EVC: variants seen among roughly 807,000 people sequenced by gnomAD.
EVC encodes EvC ciliary complex subunit 1.
A neutral mutation model predicts 118.9 loss-of-function variants in EVC; 116 were observed. The ratio of observed to expected loss-of-function variants is 0.98; its 90% confidence interval spans 0.84 to 1.14. The LOEUF is 1.14. EVC is among the 50% of genes most tolerant of loss of function. The pLI, the probability that EVC is intolerant of heterozygous loss-of-function variation, is 0.00. For missense variants in EVC, 1,401 were observed against 1,246.4 expected (o/e 1.12, Z -1.87); for synonymous variants, 619 against 534.7 (o/e 1.16, Z -2.18).
chr4:5,802,174 A>T (rs1577639792), intron 16 of EVC, 80 bp downstream of exon 16: 1 of 1,534,760 alleles, frequency 6.5e-7, no homozygotes, highest in East Asian at 2.3e-5. Flanking sequence ...AGGATGTCAG[A>T]TACTGTGAAT....
At chr4:5,761,809 C>T (rs62300394) in intron 11 of EVC, among the ~76,000 whole-genome samples, 8,196 of 151,626 alleles carry the variant, frequency 0.054, 295 homozygotes, top group South Asian at 0.076. Context: ...CCTCTCATCC[C>T]GACCTTTACG....
rs368975571 is a variant in EVC, at chr4:5,754,249, CA to C, written c.1464+318del. 5.1e-4 allele frequency among the ~76,000 whole-genome samples: 78 copies of C among 152,270 alleles called. No individual in the cohort carries two copies. The highest frequency in any genetic ancestry group is 1.8e-3 in the African/African-American group (75 of 41,550). On this transcript the variant is annotated intron_variant, in intron 10 of 20. Transcript: ENST00000264956. This position sits in a 1 kb window ranked among gnomAD's most constrained non-coding sequence, Gnocchi z 5.8. ...GATGGTGGCAATGGCGTGAAGGGAG[CA>C]ATGTGTGGCCCAGAGGGGACAAGCA...
rs780118761 is a variant in EVC at position 5,748,189 on chromosome 4, T to C, written c.981T>C (p.Phe327=). 1.2e-6 allele frequency: 2 copies of C among 1,614,234 alleles called. No homozygotes were observed. Among genetic ancestry groups the C allele is most frequent in the South Asian group, 1.1e-5 (1 of 91,086 alleles). Residue 327 remains phenylalanine (F), a synonymous_variant, in exon 8 of 21, where the codon TTT becomes TTC. Transcript: ENST00000264956. ...FWKQMANIQH[F]LVDQFKCSSS... ...AACAGATGGCAAATATCCAGCACTT[T>C]CTTGTGGACCAGTTTAAGTGTTCCA...
rs1478418087 is a variant in EVC at position 5,808,281 on chromosome 4, C to T, written c.2642C>T (p.Ala881Val). ...QMRLHAQQQQAGVMDLLEAQL... is the reference protein window; with the variant it reads ...QMRLHAQQQQVGVMDLLEAQL... ...CGTCTGCACGCCCAGCAGCAGCAGG[C>T]AGGAGTCATGGACCTTCTGGAAGCC... Residue 881 changes from alanine to valine, a missense_variant, in exon 18 of 21, where the codon GCA (alanine) becomes GTA (valine). Ala to Val is a moderately conservative substitution (Grantham distance 64, BLOSUM62 0). Transcript: ENST00000264956. The T allele has an allele frequency of 6.8e-6, 11 of 1,614,098 alleles. No individual in the cohort carries two copies. Among genetic ancestry groups the T allele is most frequent in the Non-Finnish European group, 9.3e-6 (11 of 1,180,054 alleles).
At chr4:5,824,748 A>G in the EVC span, 2 of 985,112 alleles carry the variant, frequency 2.0e-6, no homozygotes, top group Non-Finnish European at 2.4e-6. Flanking sequence ...AAATCACCAT[A>G]CTCTTAGTAC....
In EVC at chr4:5,812,567, G is replaced by A. The variant is rs1008971185; in HGVS notation, c.*1530G>A. On this transcript the variant is annotated 3_prime_UTR_variant, in exon 21 of 21. Transcript: ENST00000264956. ...CCAGCCCTTCACACCACAGCCAGGA[G>A]AGGCCTTTCCCACCTGGAGAGAAAC... is the stretch of plus-strand genomic sequence containing the variant. 1.7e-4 allele frequency: 28 copies of A among 169,024 alleles called. No individual in the cohort carries two copies. Among genetic ancestry groups the A allele is most frequent in the Non-Finnish European group, 2.6e-4 (21 of 79,814 alleles). The allele number at this position is 169,024 out of a possible 1,614,324, so 10.5% of individuals were successfully genotyped here.
chr4:5,739,933 A>G (rs1560311407), intron 5 of EVC, among the ~76,000 whole-genome samples: 1 of 151,402 alleles, frequency 6.6e-6, no homozygotes, highest in Admixed American at 6.6e-5. Context: ...CGGTTCACCA[A>G]AGAAAAAGAA....
At chr4:5,782,890 TG>T (rs1418176155) in intron 11 of EVC, among the ~76,000 whole-genome samples, 1 of 152,132 alleles carries the variant, frequency 6.6e-6, no homozygotes, top group Non-Finnish European at 1.5e-5. Context: ...ATAATCTAGA[TG>T]GTGACCCAGG....
chr4:5,731,731 A>T lies in EVC; in HGVS notation c.617+74A>T, dbSNP rs1726860124. ...GGGCCGGGAGTCACATCATTGTCAG[A>T]GGAGGAAACAGAGGCCCAGAGAGGT... On this transcript the variant is annotated intron_variant, in intron 4 of 20. Coordinates refer to ENST00000264956, the MANE Select transcript of EVC (RefSeq NM_153717.3). The surrounding 1 kb of genome is among the most constrained non-coding windows in gnomAD (Gnocchi z 5.6). 7.1e-7 allele frequency: 1 copy of T among 1,411,268 alleles called. No individual in the cohort carries two copies. Among genetic ancestry groups the T allele is most frequent in the African/African-American group, 1.4e-5 (1 of 70,224 alleles). The allele number at this position is 1,411,268 out of a possible 1,614,324, so 87.4% of individuals were successfully genotyped here. A position where few individuals can be genotyped will look rare whatever the true frequency, so the allele number is the denominator to read the frequency against.
Position 5,746,222 on chromosome 4 carries a change from G to T in EVC, c.939+881G>T, listed in dbSNP as rs1280661120. On this transcript the variant is annotated intron_variant, in intron 7 of 20. Coordinates refer to ENST00000264956, the MANE Select transcript of EVC (RefSeq NM_153717.3). This position sits in a 1 kb window ranked among gnomAD's most constrained non-coding sequence, Gnocchi z 5.8. The stretch of plus-strand genomic sequence containing the variant: ...GAGTCACTGAAGCTTTGAAGCAGGG[G>T]GTGGCTGGCTTCAGCTTCTGCTTTA... 6.6e-6 allele frequency among the ~76,000 whole-genome samples: 1 copy of T among 152,232 alleles called. No individual in the cohort carries two copies. Among genetic ancestry groups the T allele is most frequent in the African/African-American group, 2.4e-5 (1 of 41,460 alleles).
At chr4:5,724,476 T>A (rs1725480605) in intron 2 of EVC, among the ~76,000 whole-genome samples, 2 of 152,198 alleles carry the variant, frequency 1.3e-5, no homozygotes, top group African/African-American at 4.8e-5. Context: ...GTTATTCACA[T>A]CATGTTGACA....
chr4:5,730,373 C>T (rs1000566140), intron 3 of EVC, among the ~76,000 whole-genome samples: 10 of 152,006 alleles, frequency 6.6e-5, no homozygotes, highest in Admixed American at 1.3e-4. Context: ...CAAGCTTTAC[C>T]GAACTAATTT....
intron 17 of EVC, among the ~76,000 whole-genome samples, chr4:5,805,891 CTTTTTTTTTT>C (rs4045512): frequency 2.4e-5 from 3 of 123,970 alleles, no homozygotes; most frequent in Non-Finnish European, 3.3e-5. Flanking sequence ...AGTTTCTTTT[CTTTTTTTTTT>C]TTTTTTTTGA....
At position 5,743,781 on chromosome 4, in the gene EVC, T is replaced by G. The variant is rs189328639; in HGVS notation, c.802-1423T>G. ...GCACGTCGTGCTTGACATACATTAT[T>G]TCATTTAATAGTTATGACAGCCCTG... On this transcript the variant is annotated intron_variant, in intron 6 of 20. Transcript: ENST00000264956. This position sits in a 1 kb window ranked among gnomAD's most constrained non-coding sequence, Gnocchi z 4.7. Among the ~76,000 whole-genome samples, 1 of 152,342 alleles carries G rather than the reference T, an allele frequency of 6.6e-6. No individual in the cohort carries two copies. The highest frequency in any genetic ancestry group is 1.5e-5 in the Non-Finnish European group (1 of 68,034).
At chr4:5,715,738 G>GC (rs1464326534) in intron 1 of EVC, among the ~76,000 whole-genome samples, 5 of 60,436 alleles carry the variant, frequency 8.3e-5, no homozygotes, top group African/African-American at 3.4e-4. Flanking sequence ...TTTTTCCATT[G>GC]TCTTTTTTTT....
Position 5,731,561 on chromosome 4 carries a change from C to A in EVC, c.521C>A (p.Ser174Tyr). ...LSQGEKDDCS[S>Y]SSSVHSATSD... ...CAGGGTGAGAAGGACGACTGCAGCT[C>A]CTCATCCAGCGTCCACTCGGCCACC... Residue 174 changes from serine to tyrosine, a missense_variant, in exon 4 of 21, where the codon TCC (serine) becomes TAC (tyrosine). By Grantham distance (144) the Ser-to-Tyr change is moderately radical. Coordinates refer to ENST00000264956, the MANE Select transcript of EVC (RefSeq NM_153717.3). This position sits in a 1 kb window ranked among gnomAD's most constrained non-coding sequence, Gnocchi z 5.6. 1 of 1,614,122 alleles carries A rather than the reference C, an allele frequency of 6.2e-7. No individual in the cohort carries two copies. Among genetic ancestry groups the A allele is most frequent in the South Asian group, 1.1e-5 (1 of 91,068 alleles).
At chr4:5,729,496 G>A (rs913433865) in intron 3 of EVC, 106 bp downstream of exon 3, 2 of 1,121,792 alleles carry the variant, frequency 1.8e-6, no homozygotes, top group Non-Finnish European at 2.7e-6. Flanking sequence ...TCCTGTTTGA[G>A]GGTTTTATGG....
At chr4:5,819,677 G>C in the EVC span, among the ~76,000 whole-genome samples, 1 of 152,206 alleles carries the variant, frequency 6.6e-6, no homozygotes, top group African/African-American at 2.4e-5. Context: ...CAGAGAACAG[G>C]CTGGATAACT....
chr4:5,779,288 T>G (rs1468798984), intron 11 of EVC, among the ~76,000 whole-genome samples: 1 of 152,146 alleles, frequency 6.6e-6, no homozygotes, highest in Non-Finnish European at 1.5e-5. Flanking sequence ...GCCTCCAGCT[T>G]TGTTCTTTTG....
Sources: gnomAD v4.1 joint callset for allele counts (sites outside exome capture counted in the v4.1 genomes callset) on GRCh38, gnomAD v4.1.1 for gene constraint, Gnocchi (gnomAD v3.1) non-coding constraint, MANE v1.5 for transcripts, NCBI Gene and HGNC (gene_info 2026-07-23, HGNC 2026-07-21) for gene names.